ERBB4: variants seen among roughly 807,000 people sequenced by gnomAD.
ERBB4 encodes the protein erb-b2 receptor tyrosine kinase 4.
A neutral mutation model predicts 158.0 loss-of-function variants in ERBB4; 42 were observed. The ratio of observed to expected loss-of-function variants is 0.27; its 90% CI spans 0.21 to 0.34. The LOEUF (loss-of-function observed/expected upper bound fraction) is 0.34, where lower values mean the gene tolerates loss of function less well. ERBB4 is among the 10% of genes least tolerant of loss of function. The pLI, the probability that ERBB4 is intolerant of heterozygous loss-of-function variation, is 1.00. For missense variants in ERBB4, 1,333 were observed against 1,624.1 expected, an observed-to-expected ratio of 0.82 and a Z score of 3.08; for synonymous variants, 583 against 558.7, an observed-to-expected ratio of 1.04 and a Z score of -0.61.
intron 2 of ERBB4, among the ~76,000 whole-genome samples, chr2:212,077,102 C>A (rs921204633): frequency 6.6e-6 from 1 of 151,880 alleles, no homozygotes; most frequent in Non-Finnish European, 1.5e-5. Context: ...CCACAACACA[C>A]CTACTATACT....
At chr2:212,229,080 G>C (rs2083575659) in intron 1 of ERBB4, among the ~76,000 whole-genome samples, 2 of 152,210 alleles carry the variant, frequency 1.3e-5, no homozygotes. Flanking sequence ...GGAAGAGAGA[G>C]AGACAGAGCA....
chr2:212,223,861 T>G (rs115540951), intron 1 of ERBB4, among the ~76,000 whole-genome samples: 4,807 of 151,900 alleles, frequency 0.032, 94 homozygotes, highest in Middle Eastern at 0.058. Context: ...GTGTTTGAAT[T>G]TAGTCAAAGC....
At chr2:212,526,367 T>G (rs1692447192) in intron 1 of ERBB4, among the ~76,000 whole-genome samples, 1 of 152,102 alleles carries the variant, frequency 6.6e-6, no homozygotes, top group African/African-American at 2.4e-5. Context: ...AACAGTTGCA[T>G]AAAATGTTTT....
intron 20 of ERBB4, among the ~76,000 whole-genome samples, chr2:211,513,947 T>C (rs1336978596): frequency 6.6e-6 from 1 of 152,062 alleles, no homozygotes; most frequent in Non-Finnish European, 1.5e-5. Flanking sequence ...ATATCCATCG[T>C]TTCAAACAAT....
chr2:211,747,943 G>T (rs1226892469), intron 5 of ERBB4, among the ~76,000 whole-genome samples: 1 of 151,770 alleles, frequency 6.6e-6, no homozygotes, highest in Non-Finnish European at 1.5e-5. Flanking sequence ...TATAATATTT[G>T]AGTATAAACT....
chr2:212,430,263 CA>C (rs1200547488), intron 1 of ERBB4, among the ~76,000 whole-genome samples: 2 of 151,106 alleles, frequency 1.3e-5, no homozygotes, highest in Non-Finnish European at 3.0e-5. Context: ...ATATAACTAG[CA>C]GTCATATTAT....
At chr2:212,204,348 C>T (rs17345055) in intron 1 of ERBB4, among the ~76,000 whole-genome samples, 5,844 of 151,908 alleles carry the variant, frequency 0.038, 175 homozygotes, top group Non-Finnish European at 0.052. Flanking sequence ...GTCTTTTTTG[C>T]TTTCATTCTG....
intron 1 of ERBB4, among the ~76,000 whole-genome samples, chr2:212,356,183 A>C (rs1391312795): frequency 6.6e-6 from 1 of 151,978 alleles, no homozygotes; most frequent in Non-Finnish European, 1.5e-5. Context: ...CGCTGTTCCA[A>C]ACTGCTTTTT....
intron 17 of ERBB4, among the ~76,000 whole-genome samples, chr2:211,628,759 T>C (rs2069969878): frequency 6.6e-6 from 1 of 152,210 alleles, no homozygotes; most frequent in African/African-American, 2.4e-5. Flanking sequence ...ACTTCCACAA[T>C]GGTTGAACTA....
intron 1 of ERBB4, among the ~76,000 whole-genome samples, chr2:212,156,501 G>A (rs1438080518): frequency 2.0e-5 from 3 of 152,196 alleles, no homozygotes; most frequent in African/African-American, 4.8e-5. Context: ...GGGGAAGCAC[G>A]CATACCCAAC....
chr2:212,319,370 G>T (rs904796466), intron 1 of ERBB4, among the ~76,000 whole-genome samples: 3 of 150,092 alleles, frequency 2.0e-5, no homozygotes, highest in African/African-American at 4.9e-5. Flanking sequence ...TGGTTTGTTT[G>T]TTGTTTTTTA....
chr2:211,865,946 C>A (rs73071339), intron 3 of ERBB4, among the ~76,000 whole-genome samples: 7,039 of 152,180 alleles, frequency 0.046, 579 homozygotes, highest in African/African-American at 0.16. Context: ...AAAATTATAT[C>A]CTTTTGTAAT....
chr2:212,535,389 C>G (rs1287777063), intron 1 of ERBB4, among the ~76,000 whole-genome samples: 1 of 152,048 alleles, frequency 6.6e-6, no homozygotes, highest in Non-Finnish European at 1.5e-5. Context: ...TAACATTTTT[C>G]TTCTCAAATG....
intron 19 of ERBB4, among the ~76,000 whole-genome samples, chr2:211,577,755 T>C (rs2067935253): frequency 6.6e-6 from 1 of 152,152 alleles, no homozygotes; most frequent in African/African-American, 2.4e-5. Flanking sequence ...TCAATAAAAT[T>C]TGACATTCCC....
At position 211,424,247 on chromosome 2, in the gene ERBB4, G is replaced by A; in HGVS notation, c.2774C>T (p.Pro925Leu). 1 of 1,612,970 alleles carries A rather than the reference G, an allele frequency of 6.2e-7. No homozygotes were observed. The highest frequency in any genetic ancestry group is 8.5e-7 in the Non-Finnish European group (1 of 1,179,312). The stretch of plus-strand genomic sequence containing the variant: ...TAATAAATCAGGGATTTCTCGCGTT[G>A]GAATTCCATCATAGGGTTTTCCTCC... ...TFGGKPYDGI[P>L]TREIPDLLEK... The change falls in exon 23 of 28, where the codon CCA (proline) becomes CTA (leucine). Residue 925 changes from proline (P) to leucine (L), a missense_variant. Around this residue, in one of 5 missense-constraint regions of ERBB4, gnomAD observed 314 missense variants for 437.6 expected, o/e 0.72. Coordinates refer to ENST00000342788, the MANE Select transcript of ERBB4 (RefSeq NM_005235.3).
At chr2:212,064,718 T>C (rs955813875) in intron 2 of ERBB4, among the ~76,000 whole-genome samples, 1 of 152,076 alleles carries the variant, frequency 6.6e-6, no homozygotes, top group African/African-American at 2.4e-5. Context: ...TAAACTGTCA[T>C]TTGAAATAGG....
chr2:211,560,029 G>A (rs1310508229), intron 20 of ERBB4, among the ~76,000 whole-genome samples: 2 of 152,166 alleles, frequency 1.3e-5, no homozygotes, highest in Non-Finnish European at 2.9e-5. Context: ...GGATGAATAA[G>A]ATCATGCAGC....
chr2:211,510,437 A>C lies in ERBB4; in HGVS notation c.2487+51466T>G, dbSNP rs369972779. Among the ~76,000 whole-genome samples, 7 of 152,224 alleles carry C rather than the reference A, an allele frequency of 4.6e-5. No individual in the cohort carries two copies. In the East Asian group the frequency reaches 9.7e-4, roughly 21 times the overall value. On this transcript the variant is annotated intron_variant, in intron 20 of 27. Coordinates refer to ENST00000342788, the MANE Select transcript of ERBB4 (RefSeq NM_005235.3). Reference sequence around the variant, plus strand: ...CCATTACGTGATATATCCATGTCACAAACCTGCATGTGTGTCCCCTGAATC... The same window carrying C: ...CCATTACGTGATATATCCATGTCACCAACCTGCATGTGTGTCCCCTGAATC...
intron 2 of ERBB4, among the ~76,000 whole-genome samples, chr2:212,056,717 C>A (rs2077584435): frequency 6.6e-6 from 1 of 152,126 alleles, no homozygotes; most frequent in Non-Finnish European, 1.5e-5. Context: ...CCTTTATAGA[C>A]AAGCAAATGC....
Sources: allele counts gnomAD v4.1 joint callset (sites outside exome capture counted in the v4.1 genomes callset), GRCh38; gene constraint gnomAD v4.1.1; regional missense constraint gnomAD v4.1.1; transcripts MANE v1.5; gene names NCBI Gene and HGNC (gene_info 2026-07-23, HGNC 2026-07-21).